CDH9: variants seen among roughly 807,000 people sequenced by gnomAD.
CDH9 encodes cadherin 9.
A neutral mutation model predicts 70.9 loss-of-function variants in CDH9; 28 were observed. The observed-to-expected ratio is 0.40, with a 90% CI of 0.29 to 0.54. The LOEUF (loss-of-function observed/expected upper bound fraction) is 0.54. CDH9 is among the 20% of genes least tolerant of loss of function. The pLI is 0.59. For synonymous variants in CDH9, 409 were observed against 343.1 expected (o/e 1.19, Z -2.12); for missense variants, 874 against 984.4 (o/e 0.89, Z 1.50).
intron 1 of CDH9, among the ~76,000 whole-genome samples, chr5:26,996,474 T>G (rs1415387994): frequency 6.6e-6 from 1 of 152,016 alleles, no homozygotes; most frequent in Non-Finnish European, 1.5e-5. Flanking sequence ...TACTCTGTTT[T>G]GTCTCTCATA....
At chr5:26,997,592 CA>C (rs1742688145) in intron 1 of CDH9, among the ~76,000 whole-genome samples, 1 of 152,158 alleles carries the variant, frequency 6.6e-6, no homozygotes. Flanking sequence ...GGAAAAGCAA[CA>C]GTTAAGAGAA....
chr5:26,925,935 C>G (rs543719279), intron 2 of CDH9, among the ~76,000 whole-genome samples: 1 of 152,064 alleles, frequency 6.6e-6, no homozygotes, highest in South Asian at 2.1e-4. Flanking sequence ...ATTGATGGAA[C>G]GTATCTCAAA....
intron 1 of CDH9, among the ~76,000 whole-genome samples, chr5:27,035,694 G>A (rs1209715660): frequency 1.4e-5 from 2 of 144,236 alleles, no homozygotes; most frequent in Non-Finnish European, 3.0e-5. Context: ...GTGTGTGTGT[G>A]TGTGTGTGTG....
In CDH9 at chr5:26,998,488, A is replaced by AG. The variant is rs572104913; in HGVS notation, c.-49-10107_-49-10106insC. Among the ~76,000 whole-genome samples, 397 of 152,204 alleles carry AG rather than the reference A, an allele frequency of 2.6e-3. 9 individuals are homozygous for AG. The highest frequency in any genetic ancestry group is 5.0e-4 in the Non-Finnish European group (34 of 68,008). ...CAAACTATCACAAGGACAAAAAAAA[A>AG]CAAACACCACATGTTCTCACTCATA... On this transcript the variant is annotated intron_variant, in intron 1 of 11. Transcript: ENST00000231021.
chr5:26,988,010 T>C (rs1048719495), intron 2 of CDH9, 96 bp downstream of exon 2: 2 of 799,442 alleles, frequency 2.5e-6, no homozygotes, highest in African/African-American at 1.7e-5. Flanking sequence ...ATTAGTTAAA[T>C]ATTTTTTAAT....
intron 2 of CDH9, among the ~76,000 whole-genome samples, chr5:26,925,372 C>T (rs1011218035): frequency 2.0e-5 from 3 of 152,084 alleles, no homozygotes; most frequent in Non-Finnish European, 4.4e-5. Context: ...TGTTCATATC[C>T]TTTGCCCACT....
intron 1 of CDH9, among the ~76,000 whole-genome samples, chr5:26,996,058 A>G (rs1418883852): frequency 6.6e-6 from 1 of 152,020 alleles, no homozygotes; most frequent in Non-Finnish European, 1.5e-5. Flanking sequence ...TAAAATGCAC[A>G]TCTAAAATTA....
chr5:26,897,122 G>A (rs1740766078), intron 7 of CDH9, among the ~76,000 whole-genome samples: 1 of 151,954 alleles, frequency 6.6e-6, no homozygotes, highest in Admixed American at 6.6e-5. Context: ...AAACCAGGAA[G>A]AAGTTGAATC....
At chr5:26,987,091 C>CTTTTTTTTTTTTTTT (rs201154706) in intron 2 of CDH9, among the ~76,000 whole-genome samples, 6 of 108,284 alleles carry the variant, frequency 5.5e-5, no homozygotes, top group Non-Finnish European at 7.4e-5. Context: ...CACTTGTATT[C>CTTTTTTTTTTTTTTT]TTTTTTTTTT....
chr5:26,884,506 C>G (rs1213973102), intron 11 of CDH9, among the ~76,000 whole-genome samples: 2 of 152,110 alleles, frequency 1.3e-5, no homozygotes, highest in African/African-American at 4.8e-5. Flanking sequence ...GTTGAACTCT[C>G]TAGCAGTAGG....
intron 5 of CDH9, among the ~76,000 whole-genome samples, chr5:26,905,146 G>T (rs16896365): frequency 0.027 from 4,100 of 152,096 alleles, 78 homozygotes; most frequent in South Asian, 0.059. Context: ...ATGAATTTAA[G>T]TTTCAGCATT....
At chr5:27,014,254 T>C (rs540396970) in intron 1 of CDH9, among the ~76,000 whole-genome samples, 1 of 152,104 alleles carries the variant, frequency 6.6e-6, no homozygotes, top group African/African-American at 2.4e-5. Flanking sequence ...TCAAGCTTTT[T>C]GAAGCACTCC....
intron 7 of CDH9, among the ~76,000 whole-genome samples, chr5:26,898,629 T>A (rs983075509): frequency 2.0e-5 from 3 of 152,162 alleles, no homozygotes; most frequent in African/African-American, 7.2e-5. Flanking sequence ...TGCGGAAAAC[T>A]GAATCTAGAT....
intron 1 of CDH9, among the ~76,000 whole-genome samples, chr5:27,022,440 T>G (rs893824996): frequency 3.3e-5 from 5 of 152,092 alleles, no homozygotes; most frequent in African/African-American, 1.2e-4. Flanking sequence ...ATATAATAAT[T>G]TGTAAATGCA....
chr5:27,023,481 T>G (rs1335174499), intron 1 of CDH9, among the ~76,000 whole-genome samples: 3 of 152,088 alleles, frequency 2.0e-5, no homozygotes, highest in African/African-American at 7.2e-5. Flanking sequence ...TAAAAATATA[T>G]AGATTCTCAT....
chr5:27,023,341 G>T (rs1448633421), intron 1 of CDH9, among the ~76,000 whole-genome samples: 1 of 151,970 alleles, frequency 6.6e-6, no homozygotes, highest in Non-Finnish European at 1.5e-5. Flanking sequence ...GTTTTAGGAA[G>T]ATTTTCATAG....
At chr5:26,988,429 C>G (rs1579496832) in intron 1 of CDH9, 47 bp from the exon 2 acceptor site, 1 of 1,479,344 alleles carries the variant, frequency 6.8e-7, no homozygotes, top group Non-Finnish European at 9.0e-7. Context: ...TTGAGTTTCA[C>G]TTTCCCACAA....
At chr5:26,906,680 A>G (rs1238992676) in intron 4 of CDH9, 39 bp downstream of exon 4, 3 of 1,608,190 alleles carry the variant, frequency 1.9e-6, no homozygotes, top group South Asian at 1.1e-5. Flanking sequence ...ATCTTAATGT[A>G]TTATACAATA....
intron 2 of CDH9, among the ~76,000 whole-genome samples, chr5:26,945,725 A>G (rs1429980199): frequency 6.6e-6 from 1 of 152,150 alleles, no homozygotes; most frequent in Non-Finnish European, 1.5e-5. Context: ...CTGCTGGGGA[A>G]GAGTTTAGAT....
Sources: allele counts gnomAD v4.1 joint callset (sites outside exome capture counted in the v4.1 genomes callset), GRCh38; gene constraint gnomAD v4.1.1; transcripts MANE v1.5; gene names NCBI Gene and HGNC (gene_info 2026-07-23, HGNC 2026-07-21).